Variants in ST8SIA2 observed in about 807,000 individuals in gnomAD.
ST8SIA2 encodes the protein alpha-2,8-sialyltransferase 8B.
A neutral mutation model predicts 37.6 loss-of-function variants in ST8SIA2; 22 were observed. That is an observed-to-expected ratio of 0.58 (90% CI 0.42 to 0.83). The LOEUF is 0.83. Ranked by LOEUF, ST8SIA2 falls within the 40% of genes least tolerant of loss-of-function variation. The pLI is 0.00. For missense variants in ST8SIA2, 382 were observed against 484.7 expected (o/e 0.79, Z 1.99); for synonymous variants, 205 against 201.2 (o/e 1.02, Z -0.16).
At chr15:92,433,777 G>T (rs1295979133) in intron 2 of ST8SIA2, among the ~76,000 whole-genome samples, 8 of 152,198 alleles carry the variant, frequency 5.3e-5, no homozygotes, top group African/African-American at 1.9e-4. Flanking sequence ...CCTCAAGAGA[G>T]TGATGGGGCT....
intron 1 of ST8SIA2, among the ~76,000 whole-genome samples, chr15:92,394,760 C>T (rs895199027): frequency 7.9e-5 from 12 of 152,166 alleles, no homozygotes; most frequent in African/African-American, 1.4e-4. Context: ...TAGAGAAGGG[C>T]TCGCATAGCT....
intron 1 of ST8SIA2, chr15:92,422,355 C>T (rs769495099): frequency 5.3e-5 from 8 of 152,322 alleles, no homozygotes; most frequent in Admixed American, 2.6e-4. Context: ...TCGGTGGTGT[C>T]TACTGAAGAT....
At position 92,394,048 on chromosome 15, in the gene ST8SIA2, G is replaced by C. The variant is rs1468436131; in HGVS notation, c.-17G>C. 10 of 1,544,702 alleles carry C rather than the reference G, an allele frequency of 6.5e-6. No individual in the cohort carries two copies. In the Admixed American group the frequency reaches 2.0e-4, roughly 31 times the overall value. On this transcript the variant is annotated 5_prime_UTR_variant, in exon 1 of 6. Transcript: ENST00000268164. The stretch of plus-strand genomic sequence containing the variant: ...CTCGCGCCGGCCCGCGTGGGTCCCG[G>C]CGGGCGCGAACCCACCATGCAGCTG...
chr15:92,399,662 A>C (rs2049456199), intron 1 of ST8SIA2, among the ~76,000 whole-genome samples: 1 of 152,194 alleles, frequency 6.6e-6, no homozygotes, highest in African/African-American at 2.4e-5. Context: ...TATAAGCATG[A>C]TTGGAAGATA....
At chr15:92,396,270 ACTGCATATGCCT>A (rs1242177702) in intron 1 of ST8SIA2, among the ~76,000 whole-genome samples, 1 of 152,066 alleles carries the variant, frequency 6.6e-6, no homozygotes, top group Non-Finnish European at 1.5e-5. Context: ...TTAGGTCAAC[ACTGCATATGCCT>A]TTCGACTGGG....
intron 4 of ST8SIA2, among the ~76,000 whole-genome samples, chr15:92,441,043 T>C (rs532881456): frequency 6.6e-6 from 1 of 152,292 alleles, no homozygotes; most frequent in South Asian, 2.1e-4. Context: ...TCCATGTGGC[T>C]TTACTAGAAT....
intron 4 of ST8SIA2, among the ~76,000 whole-genome samples, chr15:92,440,279 G>A (rs2049791816): frequency 6.6e-6 from 1 of 152,164 alleles, no homozygotes; most frequent in Non-Finnish European, 1.5e-5. Flanking sequence ...AATACAGTCT[G>A]TACTCCAGCC....
chr15:92,444,695 T>G lies in ST8SIA2; in HGVS notation c.608T>G (p.Val203Gly). The G allele has an allele frequency of 6.2e-7, 1 of 1,614,254 alleles. No homozygotes were observed. Among genetic ancestry groups the G allele is most frequent in the Non-Finnish European group, 8.5e-7 (1 of 1,180,040 alleles). Residue 203 changes from valine to glycine, a missense_variant, in exon 5 of 6, where the codon GTA becomes GGA. Physicochemically the swap from Val to Gly is moderately radical, Grantham distance 109 (BLOSUM62 -3). Transcript: ENST00000268164. ...GATGTGGGGCTCAAGACAGACCTGG[T>G]AACCATGAACCCCTCGGTCATCCAG... is the stretch of plus-strand genomic sequence containing the variant. ...ARDVGLKTDLVTMNPSVIQRA... is the reference protein window; with the variant it reads ...ARDVGLKTDLGTMNPSVIQRA...
At chr15:92,459,040 C>T (rs75698363) in intron 5 of ST8SIA2, among the ~76,000 whole-genome samples, 9 of 152,256 alleles carry the variant, frequency 5.9e-5, no homozygotes, top group East Asian at 5.8e-4. Context: ...GCACCCAGCA[C>T]GTGTGGAGGC....
intron 1 of ST8SIA2, among the ~76,000 whole-genome samples, chr15:92,429,259 T>G (rs928108956): frequency 1.3e-5 from 2 of 152,198 alleles, no homozygotes; most frequent in African/African-American, 4.8e-5. Flanking sequence ...TTCTAAAACA[T>G]GCAGGGCAAA....
intron 1 of ST8SIA2, among the ~76,000 whole-genome samples, chr15:92,399,556 C>A (rs972040303): frequency 6.6e-6 from 1 of 152,144 alleles, no homozygotes; most frequent in Non-Finnish European, 1.5e-5. Context: ...AGTTGCAGTC[C>A]AGGCACTCTG....
intron 5 of ST8SIA2, among the ~76,000 whole-genome samples, chr15:92,447,586 C>G (rs1345091253): frequency 6.6e-6 from 1 of 152,104 alleles, no homozygotes; most frequent in Non-Finnish European, 1.5e-5. Flanking sequence ...TCAGTGTGAC[C>G]CTGGGAAGCC....
intron 3 of ST8SIA2, among the ~76,000 whole-genome samples, chr15:92,437,639 T>C (rs9920408): frequency 0.5 from 74,992 of 151,280 alleles, 18,830 homozygotes; most frequent in East Asian, 0.68. Context: ...TGGCAGGCCA[T>C]CCTCTCGGTG....
chr15:92,438,202 C>G (rs1324470917), intron 3 of ST8SIA2, 151 bp from the exon 4 acceptor site: 39 of 1,185,674 alleles, frequency 3.3e-5, no homozygotes, highest in Non-Finnish European at 2.5e-6. Flanking sequence ...TGGCTGGAAC[C>G]TGTTCTCGAG....
chr15:92,456,890 AG>A (rs1036750534), intron 5 of ST8SIA2, among the ~76,000 whole-genome samples: 1 of 152,134 alleles, frequency 6.6e-6, no homozygotes, highest in Non-Finnish European at 1.5e-5. Flanking sequence ...GCAGGCAGGG[AG>A]GCCTGGGGAT....
intron 1 of ST8SIA2, among the ~76,000 whole-genome samples, chr15:92,395,361 C>G (rs1296497408): frequency 6.6e-6 from 1 of 152,210 alleles, no homozygotes; most frequent in Admixed American, 6.5e-5. Flanking sequence ...CACTGTCAGT[C>G]CCTCAAATGG....
intron 1 of ST8SIA2, among the ~76,000 whole-genome samples, chr15:92,420,432 A>C (rs1040328791): frequency 6.6e-6 from 1 of 152,198 alleles, no homozygotes; most frequent in Non-Finnish European, 1.5e-5. Context: ...AGATGCCTCT[A>C]AGTACCTTTA....
At position 92,467,892 on chromosome 15, in the gene ST8SIA2, G is replaced by T; in HGVS notation, c.*3507G>T. The T allele has an allele frequency of 6.6e-6, 1 of 152,410 alleles. No individual in the cohort carries two copies. The allele number at this position is 152,410 out of a possible 1,614,324, so 9.4% of individuals were successfully genotyped here. A position where few individuals can be genotyped will look rare whatever the true frequency, so the allele number is the denominator to read the frequency against. On this transcript the variant is annotated 3_prime_UTR_variant, in exon 6 of 6. Transcript: ENST00000268164. ...TAGGCTGGGATTACACCCGCTGGAG[G>T]GACACTCACCCCATCTGCTCCCACG...
chr15:92,394,489 C>G (rs987253671), intron 1 of ST8SIA2, among the ~76,000 whole-genome samples: 1 of 152,012 alleles, frequency 6.6e-6, no homozygotes, highest in Admixed American at 6.5e-5. Flanking sequence ...GGGAGGGCGC[C>G]GGGGAGTGTC....
Sources: gnomAD v4.1 joint callset for allele counts (sites outside exome capture counted in the v4.1 genomes callset) on GRCh38, gnomAD v4.1.1 for gene constraint, MANE v1.5 for transcripts, NCBI Gene and HGNC (gene_info 2026-07-23, HGNC 2026-07-21) for gene names.